Variants in NEB observed in about 807,000 individuals in gnomAD.
NEB encodes the protein nemaline myopathy type 2.
A neutral mutation model predicts 952.2 loss-of-function variants in NEB; 512 were observed. The observed-to-expected ratio is 0.54, with a 90% CI of 0.50 to 0.58. NEB has a LOEUF of 0.58. NEB is among the 20% of genes least tolerant of loss of function. The pLI, the probability that NEB is intolerant of heterozygous loss-of-function variation, is 0.00. For synonymous variants in NEB, 2,900 were observed against 3,149.8 expected (o/e 0.92, Z 2.66); for missense variants, 8,428 against 9,231.1 (o/e 0.91, Z 3.56).
In NEB at chr2:151,662,219, CTG is replaced by C; in HGVS notation, c.5884_5885del (p.Gln1962AlafsTer22). On this transcript the variant is annotated frameshift_variant, in exon 46 of 182. Coordinates refer to ENST00000397345, the MANE Select transcript of NEB (RefSeq NM_001164508.2). LOFTEE classifies it high-confidence loss of function. ...MEIISEKKYRQHPDTLKYSTL... is the reference protein window; with the variant it reads ...MEIISEKKYRXHPDTLKYSTL... Reference sequence around the variant, plus strand: ...TGGAATACTTCAAAGTGTCTGGGTGCTGGCGGTACTTCTTTTCACTAATAATC... The same window carrying C: ...TGGAATACTTCAAAGTGTCTGGGTGCGCGGTACTTCTTTTCACTAATAATC... 2 of 1,613,668 alleles carry C rather than the reference CTG, an allele frequency of 1.2e-6. No homozygotes were observed. Among genetic ancestry groups the C allele is most frequent in the Non-Finnish European group, 1.7e-6 (2 of 1,179,708 alleles).
intron 12 of NEB, among the ~76,000 whole-genome samples, chr2:151,708,398 C>G (rs2099727953): frequency 6.6e-6 from 1 of 152,142 alleles, no homozygotes; most frequent in African/African-American, 2.4e-5. Flanking sequence ...CACCAGAGAC[C>G]AGACATTGGT....
At position 151,675,284 on chromosome 2, in the gene NEB, T is replaced by C; in HGVS notation, c.3879+3A>G. On this transcript the variant is annotated splice_donor_region_variant and intron_variant, in intron 35 of 181. Transcript: ENST00000397345. ...TTCACATCCCAGCAAAGACCCTACT[T>C]ACGTCACTTATATTGTAAGCATTGC... 1.3e-6 allele frequency: 2 copies of C among 1,555,206 alleles called. No individual in the cohort carries two copies. Among genetic ancestry groups the C allele is most frequent in the Non-Finnish European group, 1.8e-6 (2 of 1,138,084 alleles).
At chr2:151,694,693 C>T in intron 18 of NEB, 64 bp from the exon 19 acceptor site, 1 of 1,271,506 alleles carries the variant, frequency 7.9e-7, no homozygotes, top group Non-Finnish European at 1.1e-6. Context: ...CCTTTAAAGA[C>T]TAGTGGGTAA....
At position 151,644,032 on chromosome 2, in the gene NEB, G is replaced by T. The variant is rs778957594; in HGVS notation, c.7742C>A (p.Ala2581Asp). 6.2e-7 allele frequency: 1 copy of T among 1,613,880 alleles called. No homozygotes were observed. The highest frequency in any genetic ancestry group is 1.7e-5 in the Admixed American group (1 of 59,996). Residue 2581 changes from alanine to aspartate, a missense_variant, in exon 57 of 182, where the codon GCC becomes GAC. Ala to Asp is a moderately radical substitution (Grantham distance 126). Coordinates refer to ENST00000397345, the MANE Select transcript of NEB (RefSeq NM_001164508.2). ...GTACTCCCTGTCACTCTGGATCTTG[G>T]CCACATGCATGGACCACATCATCTT... is the stretch of plus-strand genomic sequence containing the variant. ...DPKMMWSMHV[A>D]KIQSDREYKK...
At chr2:151,620,397 C>T (rs1293488336) in intron 72 of NEB, among the ~76,000 whole-genome samples, 3 of 81,192 alleles carry the variant, frequency 3.7e-5, no homozygotes, top group African/African-American at 5.1e-5. Flanking sequence ...ATATATTTAA[C>T]CAGAATTTAA....
At chr2:151,612,702 C>T (rs78556634) in intron 77 of NEB, among the ~76,000 whole-genome samples, 3,697 of 152,236 alleles carry the variant, frequency 0.024, 52 homozygotes, top group African/African-American at 0.042. Context: ...TTTGATGGTC[C>T]CTACCTCCTC....
intron 13 of NEB, among the ~76,000 whole-genome samples, chr2:151,702,504 T>A (rs979405502): frequency 6.6e-6 from 1 of 151,976 alleles, no homozygotes; most frequent in African/African-American, 2.4e-5. Flanking sequence ...GGAGTCTAAG[T>A]CTCTTTGTAG....
chr2:151,537,190 T>C lies in NEB; in HGVS notation c.21149A>G (p.Tyr7050Cys), dbSNP rs781261932. ...AGTGAAATCAGGGGTATCATAGGCA[T>C]AGCAACCAATGCCTTTAAGCCAAGT... ...DLTWLKGIGC[Y>C]AYDTPDFTLA... Residue 7050 changes from tyrosine to cysteine, a missense_variant, in exon 141 of 182, where the codon TAT becomes TGT. Around this residue, in one of 11 missense-constraint regions of NEB, gnomAD observed 3,374 missense variants for 3,651.5 expected, o/e 0.92. Coordinates refer to ENST00000397345, the MANE Select transcript of NEB (RefSeq NM_001164508.2). The C allele has an allele frequency of 6.2e-7, 1 of 1,613,270 alleles. No individual in the cohort carries two copies. The highest frequency in any genetic ancestry group is 8.5e-7 in the Non-Finnish European group (1 of 1,179,474).
chr2:151,709,065 T>A (rs2099735920), intron 12 of NEB, among the ~76,000 whole-genome samples: 1 of 152,234 alleles, frequency 6.6e-6, no homozygotes, highest in Non-Finnish European at 1.5e-5. Context: ...TTAGTGACCA[T>A]CGTGCTTTAG....
At chr2:151,733,254 T>C (rs1470666324) in intron 2 of NEB, 69 bp from the exon 3 acceptor site, 3 of 1,110,734 alleles carry the variant, frequency 2.7e-6, no homozygotes, top group African/African-American at 1.6e-5. Flanking sequence ...TCTTATGACA[T>C]TATAAAAATA....
intron 138 of NEB, among the ~76,000 whole-genome samples, chr2:151,539,312 A>AT (rs2093694377): frequency 6.6e-6 from 1 of 152,130 alleles, no homozygotes; most frequent in Admixed American, 6.5e-5. Context: ...GGAGTATATG[A>AT]TTTTTTCCCA....
chr2:151,542,289 AC>A lies in NEB; in HGVS notation c.20578-739del, dbSNP rs568751958. Among the ~76,000 whole-genome samples the A allele has an allele frequency of 3.3e-5, 5 of 151,922 alleles. No homozygotes were observed. In the South Asian group the frequency reaches 1.0e-3, roughly 32 times the overall value. The stretch of plus-strand genomic sequence containing the variant: ...CTGGGGTGAAGGATTGGCCCCTTTC[AC>A]CCAGTACATTCTCCCGGGGTGATCT... On this transcript the variant is annotated intron_variant, in intron 135 of 181. Coordinates refer to ENST00000397345, the MANE Select transcript of NEB (RefSeq NM_001164508.2).
At chr2:151,555,747 G>A (rs2095609249) in intron 124 of NEB, among the ~76,000 whole-genome samples, 1 of 151,900 alleles carries the variant, frequency 6.6e-6, no homozygotes, top group Non-Finnish European at 1.5e-5. Context: ...CAGAATTCCA[G>A]CAATGCTCTT....
intron 173 of NEB, 34 bp downstream of exon 173, chr2:151,496,242 C>G: frequency 6.6e-7 from 1 of 1,515,008 alleles, no homozygotes; most frequent in Admixed American, 1.9e-5. Context: ...TTTTTAAAAT[C>G]AGTAAGTAGT....
At chr2:151,546,299 C>A in intron 134 of NEB, 46 bp downstream of exon 134, 1 of 1,473,692 alleles carries the variant, frequency 6.8e-7, no homozygotes, top group South Asian at 1.2e-5. Flanking sequence ...ATGGGGGCAT[C>A]CAGCTGTGCG....
At chr2:151,488,914 C>T (rs369339460) in intron 181 of NEB, among the ~76,000 whole-genome samples, 1 of 152,202 alleles carries the variant, frequency 6.6e-6, no homozygotes. Flanking sequence ...GTATCTATTG[C>T]CATGCTAAAT....
rs2098123347 is a variant in NEB, at chr2:151,614,310, A to G, written c.11567T>C (p.Ile3856Thr). Residue 3856 changes from isoleucine to threonine, a missense_variant, in exon 77 of 182, where the codon ATT becomes ACT. Around this residue, in one of 11 missense-constraint regions of NEB, gnomAD observed 1,772 missense variants for 1,960.3 expected, o/e 0.90. Coordinates refer to ENST00000397345, the MANE Select transcript of NEB (RefSeq NM_001164508.2). ...CAGGTCATAGGCCTTCCGAGCCTGA[A>G]TGACGTCATTCTGATCAGGCAGGCA... is the stretch of plus-strand genomic sequence containing the variant. ...WTCLPDQNDVIQARKAYDLQS... is the reference protein window; with the variant it reads ...WTCLPDQNDVTQARKAYDLQS... 1 of 1,613,786 alleles carries G rather than the reference A, an allele frequency of 6.2e-7. No individual in the cohort carries two copies. Among genetic ancestry groups the G allele is most frequent in the South Asian group, 1.1e-5 (1 of 91,080 alleles).
chr2:151,527,976 T>C (rs992117016), intron 146 of NEB, among the ~76,000 whole-genome samples: 1 of 152,246 alleles, frequency 6.6e-6, no homozygotes, highest in African/African-American at 2.4e-5. Context: ...TTCTAAGTTC[T>C]TTACAAATTA....
chr2:151,518,432 A>G lies in NEB; in HGVS notation c.22696-10T>C, dbSNP rs1212927796. ...TCTTCTTGTACTGGTACTGAGGGGAAGGCGGCAAAAAAGGCACATTGATGG... is the reference window on the plus strand; with the variant it reads ...TCTTCTTGTACTGGTACTGAGGGGAGGGCGGCAAAAAAGGCACATTGATGG... On this transcript the variant is annotated splice_polypyrimidine_tract_variant and intron_variant, in intron 155 of 181. Transcript: ENST00000397345. 1.3e-6 allele frequency: 2 copies of G among 1,558,136 alleles called. No homozygotes were observed. The highest frequency in any genetic ancestry group is 2.7e-5 in the African/African-American group (2 of 73,486).
Sources: allele counts gnomAD v4.1 joint callset (sites outside exome capture counted in the v4.1 genomes callset), GRCh38; gene constraint gnomAD v4.1.1; regional missense constraint gnomAD v4.1.1; transcripts MANE v1.5; gene names NCBI Gene and HGNC (gene_info 2026-07-23, HGNC 2026-07-21).